The following PPP2R2B variants were observed in gnomAD, a reference collection of about 807,000 sequenced individuals.
PPP2R2B encodes serine/threonine-protein phosphatase 2A 55 kDa regulatory subunit B beta isoform.
In PPP2R2B, 5 loss-of-function variants were observed where a neutral mutation model predicts 46.0. That is an observed-to-expected ratio of 0.11 (90% CI 0.06 to 0.23). The LOEUF is 0.23. Ranked by LOEUF, PPP2R2B falls within the 10% of genes least tolerant of loss-of-function variation. The pLI is 1.00. For missense variants in PPP2R2B, 367 were observed against 575.0 expected (o/e 0.64, Z 3.70); for synonymous variants, 215 against 206.7 (o/e 1.04, Z -0.34).
At chr5:146,845,533 G>A (rs1347906853) in intron 2 of PPP2R2B, among the ~76,000 whole-genome samples, 2 of 150,004 alleles carry the variant, frequency 1.3e-5, no homozygotes, top group Non-Finnish European at 2.9e-5. Flanking sequence ...GATTACAGGC[G>A]TGAGCCACCA....
At chr5:146,894,102 T>C (rs1310473833) in intron 1 of PPP2R2B, among the ~76,000 whole-genome samples, 1 of 152,184 alleles carries the variant, frequency 6.6e-6, no homozygotes, top group East Asian at 1.9e-4. Context: ...ACGCTGCTAC[T>C]AAGTTAGCCT....
intron 1 of PPP2R2B, among the ~76,000 whole-genome samples, chr5:147,047,000 C>T (rs1399109364): frequency 3.9e-5 from 6 of 152,038 alleles, no homozygotes; most frequent in Non-Finnish European, 8.8e-5. Flanking sequence ...ACACCAACAC[C>T]ACCAAGTTTC....
At chr5:146,672,986 A>T (rs910951234) in intron 5 of PPP2R2B, among the ~76,000 whole-genome samples, 1 of 152,198 alleles carries the variant, frequency 6.6e-6, no homozygotes, top group African/African-American at 2.4e-5. Flanking sequence ...AGGGAAGCTA[A>T]GTTTACAGAC....
intron 2 of PPP2R2B, among the ~76,000 whole-genome samples, chr5:147,077,205 G>C (rs1370359415): frequency 7.1e-6 from 1 of 140,728 alleles, no homozygotes; most frequent in Non-Finnish European, 1.5e-5. Context: ...TATTATATAT[G>C]TACAATATAC....
At chr5:147,012,440 T>C (rs1210620999) in intron 1 of PPP2R2B, among the ~76,000 whole-genome samples, 2 of 152,160 alleles carry the variant, frequency 1.3e-5, no homozygotes, top group Admixed American at 6.5e-5. Flanking sequence ...TTTATCATTT[T>C]TTATTGCGTC....
chr5:146,907,951 G>T (rs533408747), intron 1 of PPP2R2B, among the ~76,000 whole-genome samples: 178 of 152,230 alleles, frequency 1.2e-3, no homozygotes, highest in African/African-American at 4.2e-3. Context: ...AAACCATGTT[G>T]TTCTTCCTTA....
At chr5:146,758,745 G>A (rs1753984560) in intron 2 of PPP2R2B, among the ~76,000 whole-genome samples, 1 of 152,106 alleles carries the variant, frequency 6.6e-6, no homozygotes, top group African/African-American at 2.4e-5. Flanking sequence ...GAAGGACACT[G>A]GTTTGCAGAA....
At chr5:146,702,664 A>G (rs1339344650) in intron 2 of PPP2R2B, among the ~76,000 whole-genome samples, 1 of 152,250 alleles carries the variant, frequency 6.6e-6, no homozygotes, top group Non-Finnish European at 1.5e-5. Flanking sequence ...CTTAAAGTTT[A>G]TACATTGGCA....
Position 146,764,237 on chromosome 5 carries a change from G to A in PPP2R2B, c.71-63095C>T, listed in dbSNP as rs551456149. On this transcript the variant is annotated intron_variant, in intron 2 of 9. Transcript: ENST00000394411. ...ACCTGAGTCTGGAGGGGGGTGGGCA[G>A]GCACCAGATGACAAAAGCCTTGTGG... Among the ~76,000 whole-genome samples the A allele has an allele frequency of 1.8e-4, 27 of 152,198 alleles. No individual in the cohort carries two copies. The South Asian group carries it at 5.6e-3, about 32-fold the overall frequency.
chr5:146,601,414 T>C (rs937075456), intron 7 of PPP2R2B, among the ~76,000 whole-genome samples: 3 of 152,090 alleles, frequency 2.0e-5, no homozygotes, highest in Non-Finnish European at 2.9e-5. Flanking sequence ...CTGGATAACA[T>C]AGGAAGATTC....
In PPP2R2B at chr5:146,585,315, G is replaced by C. The variant is rs1022068953; in HGVS notation, c.*4632C>G. The C allele has an allele frequency of 2.1e-5, 3 of 145,826 alleles. No individual in the cohort carries two copies. Among genetic ancestry groups the C allele is most frequent in the African/African-American group, 5.2e-5 (2 of 38,278 alleles). 9.0% of individuals were successfully genotyped at this position (145,826 alleles called of 1,614,324 possible). A position where few individuals can be genotyped will look rare whatever the true frequency, so the allele number is the denominator to read the frequency against. On this transcript the variant is annotated 3_prime_UTR_variant, in exon 10 of 10. Coordinates refer to ENST00000394411, the MANE Select transcript of PPP2R2B (RefSeq NM_181675.4). ...ACACACACACACATAATGTATGATG[G>C]GGATAGTGGATAAGAACTTTAACTA...
intron 1 of PPP2R2B, among the ~76,000 whole-genome samples, chr5:147,049,100 A>ATGTG (rs146878580): frequency 0.073 from 8,501 of 116,002 alleles, 241 homozygotes; most frequent in Middle Eastern, 0.12. Flanking sequence ...GGGAATGAGC[A>ATGTG]TGTGTGTGTG....
intron 1 of PPP2R2B, among the ~76,000 whole-genome samples, chr5:146,903,338 GT>G (rs57455873): frequency 0.49 from 72,117 of 147,614 alleles, 19,150 homozygotes; most frequent in East Asian, 0.71. Context: ...AAGAAACACT[GT>G]TTTTTTTGTT....
At chr5:146,823,221 G>A (rs2151336156) in intron 2 of PPP2R2B, among the ~76,000 whole-genome samples, 1 of 151,896 alleles carries the variant, frequency 6.6e-6, no homozygotes, top group East Asian at 1.9e-4. Context: ...TTTTTGAGAT[G>A]GAGTCTTGCT....
chr5:146,653,289 C>T (rs1776100448), intron 5 of PPP2R2B, among the ~76,000 whole-genome samples: 1 of 152,016 alleles, frequency 6.6e-6, no homozygotes, highest in Non-Finnish European at 1.5e-5. Flanking sequence ...ACATAAATTG[C>T]CAGGAGAATT....
At chr5:146,997,907 C>T (rs1256907748) in intron 1 of PPP2R2B, among the ~76,000 whole-genome samples, 1 of 152,178 alleles carries the variant, frequency 6.6e-6, no homozygotes, top group African/African-American at 2.4e-5. Context: ...CCAAGACCTA[C>T]TCTTTCTCTT....
At chr5:146,674,003 A>G (rs140603337) in intron 5 of PPP2R2B, among the ~76,000 whole-genome samples, 1 of 152,164 alleles carries the variant, frequency 6.6e-6, no homozygotes, top group African/African-American at 2.4e-5. Context: ...TGACCATACG[A>G]CCAAGTTAGA....
At chr5:147,061,234 C>A (rs1276799893) in intron 2 of PPP2R2B, among the ~76,000 whole-genome samples, 1 of 151,862 alleles carries the variant, frequency 6.6e-6, no homozygotes, top group Non-Finnish European at 1.5e-5. Flanking sequence ...ATTACATGAA[C>A]AAGGTTATTT....
At chr5:146,787,365 GA>G (rs1755904984) in intron 2 of PPP2R2B, among the ~76,000 whole-genome samples, 1 of 152,198 alleles carries the variant, frequency 6.6e-6, no homozygotes, top group African/African-American at 2.4e-5. Flanking sequence ...TAGACGCATA[GA>G]TTTTTTTAAC....
Sources: gnomAD v4.1 joint callset for allele counts (sites outside exome capture counted in the v4.1 genomes callset) on GRCh38, gnomAD v4.1.1 for gene constraint, MANE v1.5 for transcripts, NCBI Gene and HGNC (gene_info 2026-07-23, HGNC 2026-07-21) for gene names.